RAD52: variants seen among roughly 807,000 people sequenced by gnomAD.
The protein encoded by RAD52 is RAD52 DNA repair protein, also known as DNA repair protein RAD52 homolog.
In RAD52, 47 loss-of-function variants were observed where a neutral mutation model predicts 55.5. The observed-to-expected ratio is 0.85, with a 90% CI of 0.67 to 1.08. The LOEUF (loss-of-function observed/expected upper bound fraction) is 1.08, where lower values mean the gene tolerates loss of function less well. RAD52 is among the 50% of genes least tolerant of loss of function. RAD52 has a pLI of 0.00. For missense variants in RAD52, 468 were observed against 522.8 expected, an observed-to-expected ratio of 0.90 and a Z score of 1.02; for synonymous variants, 184 against 198.9, an observed-to-expected ratio of 0.92 and a Z score of 0.63.
chr12:973,639 A>T (rs1958898016), intron 1 of RAD52, among the ~76,000 whole-genome samples: 1 of 151,738 alleles, frequency 6.6e-6, no homozygotes, highest in Admixed American at 6.6e-5. Context: ...CACCATGCCC[A>T]GCTAAATTTT....
chr12:972,765 CAAAA>C (rs780150903), intron 1 of RAD52, among the ~76,000 whole-genome samples: 1 of 38,432 alleles, frequency 2.6e-5, no homozygotes, highest in Non-Finnish European at 5.2e-5. Flanking sequence ...GACTCCGTCT[CAAAA>C]AAAAAAAAAA....
chr12:942,747 CAA>C (rs755913438), intron 1 of RAD52, among the ~76,000 whole-genome samples: 11 of 103,682 alleles, frequency 1.1e-4, no homozygotes, highest in Admixed American at 4.2e-4. Context: ...GACTCTGTCT[CAA>C]AAAAAAAAAA....
chr12:927,265 TG>T lies in RAD52; in HGVS notation c.349-3del. 1.9e-6 allele frequency: 3 copies of T among 1,608,540 alleles called. No individual in the cohort carries two copies. Among genetic ancestry groups the T allele is most frequent in the Non-Finnish European group, 1.7e-6 (2 of 1,175,116 alleles). ...AACATCTTCATGATATGAACCATCC[TG>T]GGGGCAGAAAAGGAGTTTGAACTCA... On this transcript the variant is annotated splice_polypyrimidine_tract_variant and splice_region_variant and intron_variant, in intron 5 of 11. Coordinates refer to ENST00000358495, the MANE Select transcript of RAD52 (RefSeq NM_134424.4).
In RAD52 at chr12:949,657, G is replaced by A. The variant is rs1278271288; in HGVS notation, c.-74C>T. The A allele has an allele frequency of 6.6e-6, 1 of 152,328 alleles. No homozygotes were observed. The highest frequency in any genetic ancestry group is 1.5e-5 in the Non-Finnish European group (1 of 68,158). 9.4% of individuals were successfully genotyped at this position (152,328 alleles called of 1,614,324 possible). On this transcript the variant is annotated 5_prime_UTR_variant, in exon 1 of 12. Coordinates refer to ENST00000358495, the MANE Select transcript of RAD52 (RefSeq NM_134424.4). ...GAGCTCGATCTAGGCTATGGACAAG[G>A]GGAAGAGATCTTAGATGGAGGCCGC... is the stretch of plus-strand genomic sequence containing the variant.
At chr12:927,784 T>G (rs2154113276) in intron 5 of RAD52, among the ~76,000 whole-genome samples, 1 of 152,034 alleles carries the variant, frequency 6.6e-6, no homozygotes, top group Admixed American at 6.5e-5. Flanking sequence ...GAGAATCACT[T>G]GAACCTGGGA....
chr12:959,144 T>G (rs931382909), intron 1 of RAD52, among the ~76,000 whole-genome samples: 6 of 152,216 alleles, frequency 3.9e-5, no homozygotes, highest in African/African-American at 1.2e-4. Flanking sequence ...GAGGGCTTCC[T>G]ATGCATTATC....
rs1179969532 is a variant in RAD52, at chr12:930,069, T to TG, written c.261dup (p.Ile88HisfsTer10). 1 of 1,614,010 alleles carries TG rather than the reference T, an allele frequency of 6.2e-7. No individual in the cohort carries two copies. Among genetic ancestry groups the TG allele is most frequent in the Admixed American group, 1.7e-5 (1 of 60,024 alleles). ...TACTCACCCACATTCTGCTGCGTGA[T>TG]GGAGTGTGCCCAGCCATTGTAACCA... On this transcript the variant is annotated frameshift_variant, in exon 4 of 12. Coordinates refer to ENST00000358495, the MANE Select transcript of RAD52 (RefSeq NM_134424.4). LOFTEE classifies it high-confidence loss of function.
chr12:935,106 C>T (rs1957543047), intron 1 of RAD52, among the ~76,000 whole-genome samples: 1 of 151,848 alleles, frequency 6.6e-6, no homozygotes, highest in Non-Finnish European at 1.5e-5. Flanking sequence ...CAGAACAAGA[C>T]TCCATCTCAA....
At chr12:949,997 C>T (rs779993823), upstream of RAD52, among the ~76,000 whole-genome samples, 132 of 152,196 alleles carry the variant, frequency 8.7e-4, no homozygotes, top group Non-Finnish European at 1.6e-3. Flanking sequence ...TTCGTCAGGC[C>T]TTCAGCGGCT....
At chr12:924,193 A>G (rs1956897752) in intron 7 of RAD52, among the ~76,000 whole-genome samples, 1 of 152,174 alleles carries the variant, frequency 6.6e-6, no homozygotes, top group South Asian at 2.1e-4. Flanking sequence ...GCGAATCATG[A>G]GGTCAGGAAT....
intron 1 of RAD52, among the ~76,000 whole-genome samples, chr12:955,478 C>CT (rs386375365): frequency 0.053 from 7,376 of 140,488 alleles, 378 homozygotes; most frequent in African/African-American, 0.13. Context: ...CTTCTTCTTT[C>CT]TTTTTTTTTT....
intron 9 of RAD52, chr12:916,080 T>C (rs1485576308): frequency 1.0e-6 from 1 of 989,626 alleles, no homozygotes; most frequent in African/African-American, 1.7e-5. Flanking sequence ...TACCCTGAAA[T>C]TTCTAATTCT....
At chr12:940,393 T>C (rs746794436) in intron 1 of RAD52, among the ~76,000 whole-genome samples, 15 of 151,994 alleles carry the variant, frequency 9.9e-5, no homozygotes, top group Non-Finnish European at 2.2e-4. Flanking sequence ...GGTCAAGAGA[T>C]GGAGAACAGC....
intron 1 of RAD52, among the ~76,000 whole-genome samples, chr12:970,652 T>G (rs1190101324): frequency 6.6e-6 from 1 of 152,110 alleles, no homozygotes; most frequent in African/African-American, 2.4e-5. Context: ...AGTGAAACAT[T>G]GATTTAGAAA....
Position 914,656 on chromosome 12 carries a change from T to C in RAD52, c.866-124A>G. On this transcript the variant is annotated intron_variant, in intron 9 of 11. Transcript: ENST00000358495. ...TCCGAAGCACAACACCGCTTAGGGC[T>C]GCGCTGCTTCTGCCAGTAAAAAGAA... is the stretch of plus-strand genomic sequence containing the variant. The C allele has an allele frequency of 4.4e-6, 5 of 1,136,990 alleles. No homozygotes were observed. The South Asian group carries it at 5.8e-5, about 13-fold the overall frequency. The allele number at this position is 1,136,990 out of a possible 1,614,324, so 70.4% of individuals were successfully genotyped here.
At chr12:961,015 C>T (rs573612191) in intron 1 of RAD52, among the ~76,000 whole-genome samples, 16 of 151,908 alleles carry the variant, frequency 1.1e-4, no homozygotes, top group Admixed American at 3.3e-4. Flanking sequence ...AAGAAATAAG[C>T]AAAGAAAATT....
chr12:969,624 A>G (rs1958814387), intron 1 of RAD52, among the ~76,000 whole-genome samples: 1 of 151,550 alleles, frequency 6.6e-6, no homozygotes, highest in Non-Finnish European at 1.5e-5. Flanking sequence ...CTGTCTCTAC[A>G]AAAATAAAAT....
chr12:927,923 A>G (rs1957128095), intron 5 of RAD52, among the ~76,000 whole-genome samples: 1 of 152,086 alleles, frequency 6.6e-6, no homozygotes, highest in Admixed American at 6.6e-5. Flanking sequence ...ACTGGATCTA[A>G]TGGTCTGTAA....
At chr12:948,047 G>A (rs539901644) in intron 1 of RAD52, among the ~76,000 whole-genome samples, 57 of 151,514 alleles carry the variant, frequency 3.8e-4, no homozygotes, top group African/African-American at 1.3e-3. Flanking sequence ...ACTAGACCTA[G>A]AAAGCCTAGA....
Sources: gnomAD v4.1 joint callset for allele counts (sites outside exome capture counted in the v4.1 genomes callset) on GRCh38, gnomAD v4.1.1 for gene constraint, MANE v1.5 for transcripts, NCBI Gene and HGNC (gene_info 2026-07-23, HGNC 2026-07-21) for gene names.